PCLO: variants seen among roughly 807,000 people sequenced by gnomAD.
PCLO encodes the protein protein piccolo.
Under a neutral mutation model 427.5 loss-of-function variants are expected in PCLO, and 82 were observed. The observed-to-expected ratio is 0.19, with a 90% CI of 0.16 to 0.23. The LOEUF (loss-of-function observed/expected upper bound fraction) is 0.23. PCLO is among the 10% of genes least tolerant of loss of function. PCLO has a pLI of 1.00. For missense variants in PCLO, 6,239 were observed against 6,115.9 expected (o/e 1.02, Z -0.67); for synonymous variants, 2,357 against 2,155.4 (o/e 1.09, Z -2.59).
At position 82,944,665 on chromosome 7, in the gene PCLO, A is replaced by G. The variant is rs147776836; in HGVS notation, c.11112+4811T>C. 3.0e-3 allele frequency among the ~76,000 whole-genome samples: 450 copies of G among 152,316 alleles called. 2 individuals are homozygous for G. The highest frequency in any genetic ancestry group is 0.01 in the African/African-American group (433 of 41,578). On this transcript the variant is annotated intron_variant, in intron 6 of 24. Transcript: ENST00000333891. Reference sequence around the variant, plus strand: ...CATTACATACTCCAAAGAATATGAAAGATACAGTTACCGGAACTTTTGAGA... The same window carrying G: ...CATTACATACTCCAAAGAATATGAAGGATACAGTTACCGGAACTTTTGAGA...
At chr7:82,972,812 A>G (rs529465931) in intron 3 of PCLO, among the ~76,000 whole-genome samples, 1 of 152,222 alleles carries the variant, frequency 6.6e-6, no homozygotes, top group South Asian at 2.1e-4. Context: ...TTTGCTTATC[A>G]TTTGGGGTAA....
intron 9 of PCLO, among the ~76,000 whole-genome samples, chr7:82,883,647 G>A (rs181103915): frequency 7.4e-4 from 112 of 152,220 alleles, no homozygotes; most frequent in African/African-American, 2.5e-3. Flanking sequence ...AAGTTTAATC[G>A]AACTCTAATC....
chr7:83,097,447 G>A lies in PCLO; in HGVS notation c.3300+36803C>T, dbSNP rs1012868935. ...TGAGGCAGGAGAATGGCATGAACCC[G>A]GGAGGCGGAGCTTGCAGTGAGCCGA... On this transcript the variant is annotated intron_variant, in intron 3 of 24. Transcript: ENST00000333891. Among the ~76,000 whole-genome samples the A allele has an allele frequency of 2.7e-3, 390 of 146,350 alleles. 2 individuals are homozygous for A. Among genetic ancestry groups the A allele is most frequent in the African/African-American group, 8.9e-3 (358 of 40,420 alleles).
intron 3 of PCLO, among the ~76,000 whole-genome samples, chr7:82,988,970 G>C (rs1298351479): frequency 6.6e-6 from 1 of 151,972 alleles, no homozygotes; most frequent in Non-Finnish European, 1.5e-5. Flanking sequence ...GAGTAGCTGG[G>C]ATTACAGGCA....
In PCLO at chr7:82,805,817, T is replaced by C. The variant is rs1267723943; in HGVS notation, c.14804A>G (p.Asn4935Ser). 4 of 1,601,500 alleles carry C rather than the reference T, an allele frequency of 2.5e-6. No individual in the cohort carries two copies. Among genetic ancestry groups the C allele is most frequent in the Admixed American group, 1.7e-5 (1 of 58,234 alleles). Residue 4935 changes from asparagine to serine, a missense_variant, in exon 21 of 25, where the codon AAT becomes AGT. Physicochemically the swap from Asn to Ser is conservative, Grantham distance 46. Coordinates refer to ENST00000333891, the MANE Select transcript of PCLO (RefSeq NM_033026.6). Reference protein sequence around the residue: ...QLRIQPTKPPNHRPAESSVST... With the variant: ...QLRIQPTKPPSHRPAESSVST... ...CACAGAGCTTTCTGCAGGCCGGTGA[T>C]TGGGAGGCTTTGCTGCATGGTGTGG...
intron 8 of PCLO, among the ~76,000 whole-genome samples, chr7:82,905,491 GGAAT>G (rs541716143): frequency 2.5e-4 from 38 of 152,028 alleles, no homozygotes; most frequent in South Asian, 1.7e-3. Context: ...CATGGTAGTT[GGAAT>G]ACAGAGCTGC....
At chr7:82,970,446 T>C (rs1358084149) in intron 3 of PCLO, among the ~76,000 whole-genome samples, 3 of 151,876 alleles carry the variant, frequency 2.0e-5, no homozygotes, top group Admixed American at 2.0e-4. Flanking sequence ...ATGGAAAGGA[T>C]GGAATGAATA....
intron 2 of PCLO, among the ~76,000 whole-genome samples, chr7:83,154,258 T>G (rs1792209229): frequency 6.6e-6 from 1 of 152,216 alleles, no homozygotes; most frequent in Non-Finnish European, 1.5e-5. Context: ...CCTCATTTGA[T>G]ATATCAGAAT....
chr7:82,808,394 G>A (rs183972450), intron 20 of PCLO, among the ~76,000 whole-genome samples: 60 of 151,988 alleles, frequency 3.9e-4, no homozygotes, highest in African/African-American at 1.4e-3. Flanking sequence ...GGTTTTACCT[G>A]ATGCGATTTT....
At chr7:82,874,374 T>A (rs564639332) in intron 10 of PCLO, among the ~76,000 whole-genome samples, 2 of 152,192 alleles carry the variant, frequency 1.3e-5, no homozygotes, top group Admixed American at 1.3e-4. Context: ...AGTGATCACC[T>A]TGACTCCCAA....
intron 2 of PCLO, among the ~76,000 whole-genome samples, chr7:83,148,119 C>A (rs1584087677): frequency 6.6e-6 from 1 of 152,156 alleles, no homozygotes; most frequent in Non-Finnish European, 1.5e-5. Context: ...GAGTTATCCA[C>A]ACTCCTGGGT....
intron 22 of PCLO, among the ~76,000 whole-genome samples, chr7:82,795,907 AG>A (rs1484218745): frequency 6.6e-6 from 1 of 152,198 alleles, no homozygotes; most frequent in African/African-American, 2.4e-5. Context: ...TTGATTCAAA[AG>A]CCTCTCTCTC....
At chr7:82,813,696 C>T (rs1277022042) in intron 20 of PCLO, among the ~76,000 whole-genome samples, 2 of 151,850 alleles carry the variant, frequency 1.3e-5, no homozygotes, top group East Asian at 3.9e-4. Context: ...GGTTCTGTGA[C>T]ATTATTTGCA....
intron 20 of PCLO, chr7:82,821,550 G>A: frequency 1.0e-6 from 1 of 976,858 alleles, no homozygotes; most frequent in Non-Finnish European, 1.2e-6. Flanking sequence ...AAGTAACAGG[G>A]TACCTACATT....
chr7:82,805,002 A>C lies in PCLO; in HGVS notation c.14933+686T>G, dbSNP rs142831473. Reference sequence around the variant, plus strand: ...TTATTGGAACAGACATAATCTACATATTTATCTTAAATGCCACCAATATGA... The same window carrying C: ...TTATTGGAACAGACATAATCTACATCTTTATCTTAAATGCCACCAATATGA... On this transcript the variant is annotated intron_variant, in intron 21 of 24. Coordinates refer to ENST00000333891, the MANE Select transcript of PCLO (RefSeq NM_033026.6). Among the ~76,000 whole-genome samples, 443 of 152,104 alleles carry C rather than the reference A, an allele frequency of 2.9e-3. 3 individuals carry two copies. Among genetic ancestry groups the C allele is most frequent in the African/African-American group, 0.01 (429 of 41,524 alleles).
chr7:83,068,624 G>A (rs1039907444), intron 3 of PCLO, among the ~76,000 whole-genome samples: 1 of 152,174 alleles, frequency 6.6e-6, no homozygotes, highest in South Asian at 2.1e-4. Flanking sequence ...AAGAAGACAA[G>A]ACATATGTTT....
chr7:82,768,551 A>AT (rs1015124674), intron 22 of PCLO, among the ~76,000 whole-genome samples: 34 of 152,160 alleles, frequency 2.2e-4, no homozygotes, highest in Middle Eastern at 3.4e-3. Context: ...TAACTCATTC[A>AT]TTTTTTCCTT....
Position 83,156,323 on chromosome 7 carries a change from A to C in PCLO, c.318T>G (p.Ala106=), listed in dbSNP as rs1199802720. 34 of 1,613,014 alleles carry C rather than the reference A, an allele frequency of 2.1e-5. No homozygotes were observed. The highest frequency in any genetic ancestry group is 2.6e-5 in the Non-Finnish European group (31 of 1,179,672). The change falls in exon 2 of 25, where the codon GCT becomes GCG. Residue 106 remains alanine, a synonymous_variant. Transcript: ENST00000333891. Reference sequence around the variant, plus strand: ...TTCTACTTTTACTGAGACCAGGTTGAGCTGGACGCCCAGGGTCCGGGGGTC... The same window carrying C: ...TTCTACTTTTACTGAGACCAGGTTGCGCTGGACGCCCAGGGTCCGGGGGTC... ...SGRPPDPGRP[A]QPGLSKSRTT...
chr7:83,148,622 G>A (rs1792054445), intron 2 of PCLO, among the ~76,000 whole-genome samples: 2 of 151,958 alleles, frequency 1.3e-5, no homozygotes, highest in South Asian at 4.2e-4. Flanking sequence ...CCAGCCCATT[G>A]AAATTTGTGT....
Sources: allele counts gnomAD v4.1 joint callset (sites outside exome capture counted in the v4.1 genomes callset), GRCh38; gene constraint gnomAD v4.1.1; transcripts MANE v1.5; gene names NCBI Gene and HGNC (gene_info 2026-07-23, HGNC 2026-07-21).